Variants in FCHO2 observed in about 807,000 individuals in gnomAD.
The protein encoded by FCHO2 is F-BAR domain only protein 2.
Under a neutral mutation model 114.1 loss-of-function variants are expected in FCHO2, and 43 were observed. The observed-to-expected ratio is 0.38, with a 90% CI of 0.30 to 0.49. The LOEUF (loss-of-function observed/expected upper bound fraction) is 0.49. Ranked by LOEUF, FCHO2 falls within the 20% of genes least tolerant of loss-of-function variation. The pLI is 0.97. For synonymous variants in FCHO2, 293 were observed against 315.2 expected, an observed-to-expected ratio of 0.93 and a Z score of 0.75; for missense variants, 807 against 950.4, an observed-to-expected ratio of 0.85 and a Z score of 1.98.
At chr5:73,044,182 C>T (rs750044188) in intron 11 of FCHO2, among the ~76,000 whole-genome samples, 1 of 152,148 alleles carries the variant, frequency 6.6e-6, no homozygotes, top group Admixed American at 6.5e-5. Context: ...CCTGTACAGC[C>T]TGTAGAACTG....
intron 19 of FCHO2, among the ~76,000 whole-genome samples, chr5:73,070,075 A>G (rs1420233429): frequency 6.6e-6 from 1 of 152,136 alleles, no homozygotes; most frequent in African/African-American, 2.4e-5. Context: ...TAACCTGGGT[A>G]CTTCTTAGAA....
intron 23 of FCHO2, 137 bp from the exon 24 acceptor site, chr5:73,082,624 C>T (rs1743156871): frequency 1.5e-6 from 1 of 685,084 alleles, no homozygotes. Context: ...CACATTTTCA[C>T]CAGTTAATAC....
At chr5:73,053,465 G>A (rs1399883790) in intron 13 of FCHO2, among the ~76,000 whole-genome samples, 1 of 152,218 alleles carries the variant, frequency 6.6e-6, no homozygotes, top group Non-Finnish European at 1.5e-5. Flanking sequence ...GGAGGCCGAG[G>A]CGGGTGGATC....
chr5:73,002,400 C>A (rs1754493582), intron 5 of FCHO2, among the ~76,000 whole-genome samples: 1 of 152,074 alleles, frequency 6.6e-6, no homozygotes, highest in South Asian at 2.1e-4. Flanking sequence ...AAATACATGT[C>A]TTTTATAAGT....
chr5:73,056,494 C>A (rs919579728), intron 16 of FCHO2, among the ~76,000 whole-genome samples: 3 of 152,192 alleles, frequency 2.0e-5, no homozygotes, highest in African/African-American at 7.2e-5. Context: ...GTCTTTTTTT[C>A]TAGAGTTTTA....
At chr5:73,002,814 A>G (rs1321803759) in intron 5 of FCHO2, among the ~76,000 whole-genome samples, 1 of 152,226 alleles carries the variant, frequency 6.6e-6, no homozygotes, top group Non-Finnish European at 1.5e-5. Flanking sequence ...GAGCCAAGAC[A>G]TATTAAATAG....
chr5:73,077,235 C>G (rs770801571), intron 20 of FCHO2, 103 bp from the exon 21 acceptor site: 41 of 884,742 alleles, frequency 4.6e-5, no homozygotes, highest in Non-Finnish European at 6.5e-5. Flanking sequence ...CATATAGGTG[C>G]GTGTGTGTGT....
intron 11 of FCHO2, 42 bp downstream of exon 11, chr5:73,041,357 A>G: frequency 7.9e-7 from 1 of 1,270,704 alleles, no homozygotes; most frequent in Non-Finnish European, 1.1e-6. Flanking sequence ...TAAATTAGTT[A>G]TTTTCATTAG....
At position 73,078,328 on chromosome 5, in the gene FCHO2, T is replaced by C. The variant is rs1561496931; in HGVS notation, c.1980+16T>C. On this transcript the variant is annotated intron_variant, in intron 22 of 25. Coordinates refer to ENST00000430046, the MANE Select transcript of FCHO2 (RefSeq NM_138782.3). ...AAAGTATCAGGTGAGTGTCACGACA[T>C]TGCAAAAATTCTAAATTAAAATATT... The C allele has an allele frequency of 1.9e-6, 3 of 1,569,792 alleles. No homozygotes were observed. The highest frequency in any genetic ancestry group is 2.6e-6 in the Non-Finnish European group (3 of 1,163,138).
chr5:72,969,477 A>G (rs1487085345), intron 2 of FCHO2, among the ~76,000 whole-genome samples: 3 of 152,206 alleles, frequency 2.0e-5, no homozygotes, highest in Non-Finnish European at 4.4e-5. Flanking sequence ...GCTCTGGGTA[A>G]GGCTCTCCTT....
At chr5:72,995,149 CAG>C (rs1255345336) in intron 5 of FCHO2, among the ~76,000 whole-genome samples, 5 of 151,970 alleles carry the variant, frequency 3.3e-5, no homozygotes, top group Non-Finnish European at 7.4e-5. Context: ...TGTCAGTAAA[CAG>C]AAAACTGAAA....
chr5:73,017,210 A>T lies in FCHO2; in HGVS notation c.700-2A>T. ...AAAGTTATCTTTATTTCATTTTAATAGGTCCATGAAGAATTTATAAATAAC... is the reference window on the plus strand; with the variant it reads ...AAAGTTATCTTTATTTCATTTTAATTGGTCCATGAAGAATTTATAAATAAC... On this transcript the variant is annotated splice_acceptor_variant, in intron 7 of 25. Coordinates refer to ENST00000430046, the MANE Select transcript of FCHO2 (RefSeq NM_138782.3). LOFTEE classifies it high-confidence loss of function. The T allele has an allele frequency of 6.9e-7, 1 of 1,449,558 alleles. No homozygotes were observed. Among genetic ancestry groups the T allele is most frequent in the Non-Finnish European group, 9.2e-7 (1 of 1,081,490 alleles). The allele number at this position is 1,449,558 out of a possible 1,614,324, so 89.8% of individuals were successfully genotyped here.
At chr5:73,071,163 T>G (rs75079285) in intron 19 of FCHO2, among the ~76,000 whole-genome samples, 1,967 of 152,148 alleles carry the variant, frequency 0.013, 18 homozygotes, top group Non-Finnish European at 0.02. Flanking sequence ...ATAGGATCCA[T>G]TATATCAAAT....
chr5:72,985,807 G>A (rs984995725), intron 2 of FCHO2, among the ~76,000 whole-genome samples: 93 of 151,920 alleles, frequency 6.1e-4, no homozygotes, highest in African/African-American at 2.2e-3. Flanking sequence ...AATTTTCAGC[G>A]GTTTTTACTC....
chr5:72,990,325 G>A (rs1209071545), intron 3 of FCHO2, among the ~76,000 whole-genome samples, 153 bp from the exon 4 acceptor site: 2 of 152,112 alleles, frequency 1.3e-5, no homozygotes, highest in African/African-American at 2.4e-5. Context: ...TTCAAGGTCA[G>A]TCTGTCAATC....
At chr5:72,967,692 T>C (rs1365019736) in intron 1 of FCHO2, among the ~76,000 whole-genome samples, 1 of 152,194 alleles carries the variant, frequency 6.6e-6, no homozygotes, top group African/African-American at 2.4e-5. Flanking sequence ...TGATTTCAGC[T>C]CACTGCAACC....
intron 8 of FCHO2, chr5:73,021,045 G>GTA: frequency 9.6e-7 from 1 of 1,039,126 alleles, no homozygotes; most frequent in Non-Finnish European, 1.5e-6. Flanking sequence ...TGAATCCATG[G>GTA]AAGTTTACCT....
At chr5:73,014,128 A>G (rs1161274666) in intron 6 of FCHO2, among the ~76,000 whole-genome samples, 2 of 152,038 alleles carry the variant, frequency 1.3e-5, no homozygotes, top group Admixed American at 6.6e-5. Context: ...TGGAGGATCT[A>G]TTTGTTTTGA....
chr5:72,972,810 C>T lies in FCHO2; in HGVS notation c.125+4221C>T, dbSNP rs929047731. Among the ~76,000 whole-genome samples the T allele has an allele frequency of 7.5e-3, 1,139 of 152,162 alleles. 20 individuals are homozygous for T. Among genetic ancestry groups the T allele is most frequent in the African/African-American group, 0.026 (1,087 of 41,536 alleles). Reference sequence around the variant, plus strand: ...TCAAAGGGAATGCTTCCAGTTTTTGCCCATTCAGTATGATATTGGCTGTGG... The same window carrying T: ...TCAAAGGGAATGCTTCCAGTTTTTGTCCATTCAGTATGATATTGGCTGTGG... On this transcript the variant is annotated intron_variant, in intron 2 of 25. Coordinates refer to ENST00000430046, the MANE Select transcript of FCHO2 (RefSeq NM_138782.3).
Sources: gnomAD v4.1 joint callset for allele counts (sites outside exome capture counted in the v4.1 genomes callset) on GRCh38, gnomAD v4.1.1 for gene constraint, MANE v1.5 for transcripts, NCBI Gene and HGNC (gene_info 2026-07-23, HGNC 2026-07-21) for gene names.